The following GNG4 variants were observed in gnomAD, a reference collection of about 807,000 sequenced individuals.
The protein encoded by GNG4 is guanine nucleotide-binding protein G(I)/G(S)/G(O) subunit gamma-4.
GNG4 carries 4 observed loss-of-function variants against 5.8 expected under a neutral mutation model. That is an observed-to-expected ratio of 0.69 (90% CI 0.34 to 1.57). The LOEUF (loss-of-function observed/expected upper bound fraction) is 1.57. GNG4 is among the 40% of genes most tolerant of loss of function. The pLI is 0.06. For missense variants in GNG4, 96 were observed against 95.1 expected, an observed-to-expected ratio of 1.01 and a Z score of -0.04; for synonymous variants, 29 against 32.9, an observed-to-expected ratio of 0.88 and a Z score of 0.41.
At chr1:235,629,426 C>T (rs996498487) in intron 1 of GNG4, among the ~76,000 whole-genome samples, 2 of 152,010 alleles carry the variant, frequency 1.3e-5, no homozygotes, top group Admixed American at 6.6e-5. Flanking sequence ...TGCCTTTACT[C>T]TCGGGGACCT....
At chr1:235,577,336 C>T (rs1485620921) in intron 3 of GNG4, among the ~76,000 whole-genome samples, 1 of 152,228 alleles carries the variant, frequency 6.6e-6, no homozygotes, top group South Asian at 2.1e-4. Context: ...GGTTCCCATG[C>T]AGCCTGCCCT....
intron 1 of GNG4, among the ~76,000 whole-genome samples, chr1:235,618,768 G>A (rs1688649693): frequency 6.6e-6 from 1 of 150,856 alleles, no homozygotes; most frequent in Non-Finnish European, 1.5e-5. Context: ...CAATTCTCCT[G>A]CCTCAGCCTC....
chr1:235,616,733 T>TGC (rs1688597703), intron 1 of GNG4, among the ~76,000 whole-genome samples: 1 of 151,740 alleles, frequency 6.6e-6, no homozygotes, highest in South Asian at 2.1e-4. Context: ...AAGATGTGTG[T>TGC]GTGTGTGTGT....
intron 1 of GNG4, chr1:235,615,749 G>T (rs1688575679): frequency 1.2e-5 from 3 of 253,448 alleles, no homozygotes; most frequent in African/African-American, 4.7e-5. Context: ...AGCACCAGGA[G>T]GAGGGGGGTG....
chr1:235,623,447 C>A (rs574489156), intron 1 of GNG4, among the ~76,000 whole-genome samples: 2 of 152,300 alleles, frequency 1.3e-5, no homozygotes, highest in Admixed American at 1.3e-4. Flanking sequence ...GACTTCGTGG[C>A]TTCTGCCTGT....
At chr1:235,583,487 C>T (rs976360986) in intron 3 of GNG4, among the ~76,000 whole-genome samples, 4 of 152,160 alleles carry the variant, frequency 2.6e-5, no homozygotes, top group African/African-American at 7.2e-5. Context: ...TAAATAGAGC[C>T]GAGATGAATT....
At chr1:235,647,136 C>G (rs1387992207) in intron 1 of GNG4, among the ~76,000 whole-genome samples, 4 of 151,990 alleles carry the variant, frequency 2.6e-5, no homozygotes, top group Admixed American at 2.6e-4. Context: ...ACTTATACCT[C>G]TATTAAAGGA....
intron 3 of GNG4, among the ~76,000 whole-genome samples, chr1:235,553,398 TA>T (rs1196895514): frequency 6.6e-6 from 1 of 152,092 alleles, no homozygotes; most frequent in Non-Finnish European, 1.5e-5. Context: ...CAGGCAGGGG[TA>T]AATACATAGC....
At chr1:235,570,449 T>G (rs2102927314) in intron 3 of GNG4, among the ~76,000 whole-genome samples, 2 of 141,164 alleles carry the variant, frequency 1.4e-5, no homozygotes, top group Middle Eastern at 4.0e-3. Flanking sequence ...CAGGCTAGAG[T>G]GCAATGGCAT....
chr1:235,615,790 C>T (rs1367595251), intron 1 of GNG4: 1 of 258,090 alleles, frequency 3.9e-6, no homozygotes, highest in East Asian at 1.2e-4. Flanking sequence ...GGACCTGGAC[C>T]ACATGAGCCC....
rs1458678111 is a variant in GNG4 at position 235,548,304 on chromosome 1, G to C, written c.*3805C>G. 6.6e-6 allele frequency: 1 copy of C among 152,214 alleles called. No homozygotes were observed. The highest frequency in any genetic ancestry group is 2.4e-5 in the African/African-American group (1 of 41,428). 9.4% of individuals were successfully genotyped at this position (152,214 alleles called of 1,614,324 possible). A position where few individuals can be genotyped will look rare whatever the true frequency, so the allele number is the denominator to read the frequency against. On this transcript the variant is annotated 3_prime_UTR_variant, in exon 4 of 4. Coordinates refer to ENST00000391854, the MANE Select transcript of GNG4 (RefSeq NM_001098722.2). ...GGCTCAAAGAATTGACAGAAAACTAGAAGGGAGGTCTGTAGGAAGATAGGT... is the reference window on the plus strand; with the variant it reads ...GGCTCAAAGAATTGACAGAAAACTACAAGGGAGGTCTGTAGGAAGATAGGT...
chr1:235,606,291 A>C (rs757224989), intron 1 of GNG4, among the ~76,000 whole-genome samples: 2 of 152,194 alleles, frequency 1.3e-5, no homozygotes, highest in Non-Finnish European at 1.5e-5. Flanking sequence ...CTGAGGAAGG[A>C]GAATCGCTTG....
At chr1:235,620,621 C>T (rs1200712403) in intron 1 of GNG4, among the ~76,000 whole-genome samples, 1 of 151,984 alleles carries the variant, frequency 6.6e-6, no homozygotes, top group Admixed American at 6.5e-5. Flanking sequence ...CTGCAAGCTC[C>T]GCCTCCCGCG....
chr1:235,585,089 A>G (rs1365202880), intron 2 of GNG4, among the ~76,000 whole-genome samples: 1 of 151,124 alleles, frequency 6.6e-6, no homozygotes, highest in African/African-American at 2.4e-5. Context: ...ATTCTTTCCT[A>G]TGCTTCTTTT....
At chr1:235,618,678 CAG>C (rs1477528064) in intron 1 of GNG4, among the ~76,000 whole-genome samples, 4 of 148,842 alleles carry the variant, frequency 2.7e-5, no homozygotes, top group Non-Finnish European at 5.9e-5. Flanking sequence ...TTTTTTGAGA[CAG>C]AGTCTCACTC....
At chr1:235,639,736 A>G (rs536217674) in intron 1 of GNG4, among the ~76,000 whole-genome samples, 6 of 152,268 alleles carry the variant, frequency 3.9e-5, no homozygotes, top group African/African-American at 1.4e-4. Flanking sequence ...TGAACTCCCA[A>G]TCTCAGGTGA....
intron 1 of GNG4, among the ~76,000 whole-genome samples, chr1:235,612,585 C>T (rs545438943): frequency 5.3e-5 from 8 of 152,174 alleles, no homozygotes; most frequent in South Asian, 4.1e-4. Context: ...TGCAGTGGTA[C>T]GATCATGACT....
At chr1:235,617,789 G>A (rs1384647463) in intron 1 of GNG4, among the ~76,000 whole-genome samples, 1 of 151,812 alleles carries the variant, frequency 6.6e-6, no homozygotes, top group Non-Finnish European at 1.5e-5. Context: ...GGAGGCTGAG[G>A]CATGAGAATT....
At chr1:235,594,260 C>T (rs1345305587) in intron 2 of GNG4, among the ~76,000 whole-genome samples, 1 of 152,208 alleles carries the variant, frequency 6.6e-6, no homozygotes, top group Non-Finnish European at 1.5e-5. Flanking sequence ...GATTGGTGTG[C>T]TTACAAACCT....
Sources: allele counts gnomAD v4.1 joint callset (sites outside exome capture counted in the v4.1 genomes callset), GRCh38; gene constraint gnomAD v4.1.1; transcripts MANE v1.5; gene names NCBI Gene and HGNC (gene_info 2026-07-23, HGNC 2026-07-21).